Variants in TSC22D1 observed in about 807,000 individuals in gnomAD.
The protein encoded by TSC22D1 is TSC22 domain family protein 1.
A neutral mutation model predicts 74.2 loss-of-function variants in TSC22D1; 9 were observed. The observed-to-expected ratio is 0.12, with a 90% CI of 0.07 to 0.21. The LOEUF is 0.21. Among genes scored for constraint, TSC22D1 ranks in the 10% least tolerant of loss-of-function variants. The pLI is 1.00. For synonymous variants in TSC22D1, 586 were observed against 492.5 expected, an observed-to-expected ratio of 1.19 and a Z score of -2.51; for missense variants, 1,427 against 1,304.7, an observed-to-expected ratio of 1.09 and a Z score of -1.44.
intron 1 of TSC22D1, among the ~76,000 whole-genome samples, chr13:44,559,936 C>T (rs1595168329): frequency 6.6e-6 from 1 of 152,064 alleles, no homozygotes; most frequent in East Asian, 1.9e-4. Context: ...AAGTGATCCG[C>T]CCGCCTTGGC....
At chr13:44,467,263 G>A (rs1440736148) in intron 1 of TSC22D1, among the ~76,000 whole-genome samples, 1 of 152,066 alleles carries the variant, frequency 6.6e-6, no homozygotes, top group Non-Finnish European at 1.5e-5. Flanking sequence ...GATAGATTAA[G>A]GACATGGATA....
At chr13:44,550,311 G>A (rs1473138160) in intron 1 of TSC22D1, among the ~76,000 whole-genome samples, 4 of 152,094 alleles carry the variant, frequency 2.6e-5, no homozygotes, top group African/African-American at 4.8e-5. Context: ...AGCCGGGCAC[G>A]GTGGCTCATG....
At chr13:44,570,380 C>G (rs1396468346) in intron 1 of TSC22D1, among the ~76,000 whole-genome samples, 1 of 151,804 alleles carries the variant, frequency 6.6e-6, no homozygotes, top group Non-Finnish European at 1.5e-5. Context: ...TTTGTAGAGA[C>G]AGGGTTTTGC....
At chr13:44,449,579 C>T (rs368160306) in intron 1 of TSC22D1, among the ~76,000 whole-genome samples, 1 of 152,150 alleles carries the variant, frequency 6.6e-6, no homozygotes, top group Admixed American at 6.5e-5. Context: ...GATTTTTACT[C>T]TAGGTGGTCA....
In TSC22D1 at chr13:44,561,062, G is replaced by A. The variant is rs550874849; in HGVS notation, c.2912+12101C>T. Among the ~76,000 whole-genome samples the A allele has an allele frequency of 5.3e-5, 8 of 152,112 alleles. No individual in the cohort carries two copies. The South Asian group carries it at 1.2e-3, about 24-fold the overall frequency. On this transcript the variant is annotated intron_variant, in intron 1 of 2. Coordinates refer to ENST00000458659, the MANE Select transcript of TSC22D1 (RefSeq NM_183422.4). ...GCTATGCAAAAATACCCCCCGGGGCGTCGGGGGACCAGGGAGAGGAGGGGA... is the reference window on the plus strand; with the variant it reads ...GCTATGCAAAAATACCCCCCGGGGCATCGGGGGACCAGGGAGAGGAGGGGA...
intron 1 of TSC22D1, among the ~76,000 whole-genome samples, chr13:44,442,910 C>A (rs1875315454): frequency 4.0e-5 from 2 of 49,992 alleles, no homozygotes; most frequent in Non-Finnish European, 3.6e-5. Context: ...GAGCGAGACT[C>A]TGTCAAAAAA....
chr13:44,517,269 G>A (rs980525124), intron 1 of TSC22D1, among the ~76,000 whole-genome samples: 3 of 151,556 alleles, frequency 2.0e-5, no homozygotes, highest in African/African-American at 7.3e-5. Flanking sequence ...GTGCTCTTAT[G>A]TATGACCATT....
chr13:44,435,413 C>G, intron 2 of TSC22D1: 1 of 156,056 alleles, frequency 6.4e-6, no homozygotes, highest in Non-Finnish European at 1.4e-5. Context: ...TTTATAGCTC[C>G]GAATTAAAGG....
At chr13:44,490,017 G>T (rs1878627021) in intron 1 of TSC22D1, among the ~76,000 whole-genome samples, 1 of 152,188 alleles carries the variant, frequency 6.6e-6, no homozygotes, top group Admixed American at 6.5e-5. Flanking sequence ...CCTACCAGCA[G>T]TTCCATTCCT....
intron 1 of TSC22D1, chr13:44,539,500 T>G: frequency 1.0e-6 from 1 of 985,378 alleles, no homozygotes; most frequent in Non-Finnish European, 1.2e-6. Context: ...GGGTAGATAT[T>G]CCCGTTTTAA....
At chr13:44,496,454 G>A (rs1446087452) in intron 1 of TSC22D1, among the ~76,000 whole-genome samples, 4 of 152,072 alleles carry the variant, frequency 2.6e-5, no homozygotes, top group Admixed American at 6.6e-5. Flanking sequence ...AGGCCGAGGC[G>A]GGTGGATCAC....
chr13:44,481,955 G>A (rs573404761), intron 1 of TSC22D1, among the ~76,000 whole-genome samples: 3 of 152,166 alleles, frequency 2.0e-5, no homozygotes, highest in African/African-American at 7.2e-5. Context: ...AACTCTTCAC[G>A]TTTCTATTCC....
rs1282274688 is a variant in TSC22D1, at chr13:44,434,550, G to A, written c.*76C>T. 7 of 1,478,316 alleles carry A rather than the reference G, an allele frequency of 4.7e-6. No homozygotes were observed. The highest frequency in any genetic ancestry group is 6.3e-6 in the Non-Finnish European group (7 of 1,117,658). 91.6% of individuals were successfully genotyped at this position (1,478,316 alleles called of 1,614,324 possible). A position where few individuals can be genotyped will look rare whatever the true frequency, so the allele number is the denominator to read the frequency against. On this transcript the variant is annotated 3_prime_UTR_variant, in exon 3 of 3. Transcript: ENST00000458659. ...GAGCAATGAAATGGGTGACTGTGGA[G>A]GCAGATTCTCCCTAGCACATCTTCT...
Position 44,575,858 on chromosome 13 carries a change from A to C in TSC22D1, c.217T>G (p.Ser73Ala). 6.2e-7 allele frequency: 1 copy of C among 1,613,954 alleles called. No homozygotes were observed. Among genetic ancestry groups the C allele is most frequent in the Non-Finnish European group, 8.5e-7 (1 of 1,179,946 alleles). Residue 73 changes from serine (S) to alanine (A), a missense_variant, in exon 1 of 3, where the codon TCT (serine) becomes GCT (alanine). By Grantham distance (99) the Ser-to-Ala change is moderately conservative (BLOSUM62 1). Transcript: ENST00000458659. The part of the protein sequence containing the change: ...LLQPPPPAAS[S>A]TSGPQPPPPQ... ...GGCGGAGGCTGTGGTCCCGACGTAG[A>C]AGATGCTGCAGGGGGCGGCGGCTGA...
At chr13:44,551,135 G>T (rs768817804) in intron 1 of TSC22D1, among the ~76,000 whole-genome samples, 2 of 151,806 alleles carry the variant, frequency 1.3e-5, no homozygotes, top group Non-Finnish European at 2.9e-5. Flanking sequence ...ATTAGGCATG[G>T]TGACATGTAC....
At chr13:44,567,567 T>A (rs996479243) in intron 1 of TSC22D1, among the ~76,000 whole-genome samples, 6 of 151,518 alleles carry the variant, frequency 4.0e-5, no homozygotes, top group African/African-American at 1.5e-4. Context: ...AAAAATACTA[T>A]CATTATTAAA....
chr13:44,436,563 T>G (rs1317825613), intron 1 of TSC22D1: 1 of 1,614,020 alleles, frequency 6.2e-7, no homozygotes, highest in African/African-American at 1.3e-5. Flanking sequence ...AGAAAGAAAT[T>G]GAAAAATGTC....
chr13:44,549,380 A>G (rs1328190846), intron 1 of TSC22D1, among the ~76,000 whole-genome samples: 1 of 152,182 alleles, frequency 6.6e-6, no homozygotes, highest in East Asian at 1.9e-4. Flanking sequence ...TATAACTTAT[A>G]CAGCAATTGA....
At chr13:44,503,019 CAAT>C (rs1380701905) in intron 1 of TSC22D1, among the ~76,000 whole-genome samples, 2 of 152,016 alleles carry the variant, frequency 1.3e-5, no homozygotes, top group African/African-American at 4.8e-5. Flanking sequence ...TTGATTGTTG[CAAT>C]AATAGCCATA....
Sources: gnomAD v4.1 joint callset for allele counts (sites outside exome capture counted in the v4.1 genomes callset) on GRCh38, gnomAD v4.1.1 for gene constraint, MANE v1.5 for transcripts, NCBI Gene and HGNC (gene_info 2026-07-23, HGNC 2026-07-21) for gene names.